RORA: variants seen among roughly 807,000 people sequenced by gnomAD.
RORA encodes RAR related orphan receptor A.
Under a neutral mutation model 69.5 loss-of-function variants are expected in RORA, and 7 were observed. The observed-to-expected ratio is 0.10, with a 90% CI of 0.06 to 0.19. The LOEUF (loss-of-function observed/expected upper bound fraction) is 0.19. Ranked by LOEUF, RORA falls within the 10% of genes least tolerant of loss-of-function variation. RORA has a pLI of 1.00. For synonymous variants in RORA, 261 were observed against 240.8 expected, an observed-to-expected ratio of 1.08 and a Z score of -0.78; for missense variants, 457 against 663.0, an observed-to-expected ratio of 0.69 and a Z score of 3.41.
At chr15:60,571,738 T>C (rs149941362) in intron 2 of RORA, among the ~76,000 whole-genome samples, 12 of 152,296 alleles carry the variant, frequency 7.9e-5, no homozygotes, top group Admixed American at 6.5e-4. Flanking sequence ...GCAGGTCTAA[T>C]AGTCTATAAA....
In RORA at chr15:60,939,099, G is replaced by A. The variant is rs562015402; in HGVS notation, c.167-260413C>T. Among the ~76,000 whole-genome samples the A allele has an allele frequency of 4.6e-5, 7 of 152,206 alleles. 1 individual carries two copies. The highest frequency in any genetic ancestry group is 1.4e-4 in the African/African-American group (6 of 41,522). ...CTTCCTCTCTCAGACCTCTTCCCTCGGCATCGCAGCTCCTGACCTCCACTT... is the reference window on the plus strand; with the variant it reads ...CTTCCTCTCTCAGACCTCTTCCCTCAGCATCGCAGCTCCTGACCTCCACTT... On this transcript the variant is annotated intron_variant, in intron 1 of 10. Coordinates refer to ENST00000335670, the MANE Select transcript of RORA (RefSeq NM_134261.3).
intron 1 of RORA, among the ~76,000 whole-genome samples, chr15:60,899,203 A>C (rs1453084624): frequency 1.3e-5 from 2 of 152,242 alleles, no homozygotes; most frequent in African/African-American, 4.8e-5. Context: ...ATCCTTCTGT[A>C]GTATCTCCCA....
At chr15:60,646,077 G>A (rs1459128490) in intron 2 of RORA, among the ~76,000 whole-genome samples, 3 of 152,152 alleles carry the variant, frequency 2.0e-5, no homozygotes, top group African/African-American at 7.2e-5. Flanking sequence ...CATTGGAAAA[G>A]TACATTGAGG....
chr15:60,850,864 G>A (rs1251852178), intron 1 of RORA, among the ~76,000 whole-genome samples: 3 of 152,174 alleles, frequency 2.0e-5, no homozygotes, highest in African/African-American at 7.2e-5. Flanking sequence ...GAAAGACAAG[G>A]ATAAGGCCAT....
chr15:61,215,031 A>ATTTTTTTTTTTTTTTTTT (rs61132940), intron 1 of RORA, among the ~76,000 whole-genome samples: 1 of 80,626 alleles, frequency 1.2e-5, no homozygotes, highest in Non-Finnish European at 2.3e-5. Flanking sequence ...CGCCCAGCTA[A>ATTTTTTTTTTTTTTTTTT]TTTTTTTTTT....
chr15:60,582,148 G>A (rs1203229120), intron 2 of RORA, among the ~76,000 whole-genome samples: 1 of 151,852 alleles, frequency 6.6e-6, no homozygotes, highest in Non-Finnish European at 1.5e-5. Flanking sequence ...ACTAAATCTG[G>A]GCATATTTAT....
At chr15:60,835,053 C>T (rs2073098346) in intron 1 of RORA, among the ~76,000 whole-genome samples, 1 of 152,144 alleles carries the variant, frequency 6.6e-6, no homozygotes, top group Non-Finnish European at 1.5e-5. Context: ...AGAACGTGGA[C>T]TTGTAATTGT....
intron 1 of RORA, among the ~76,000 whole-genome samples, chr15:61,212,788 C>T (rs919998159): frequency 2.0e-5 from 3 of 152,096 alleles, no homozygotes; most frequent in South Asian, 2.1e-4. Flanking sequence ...CAATCCAAGC[C>T]CTTCAATTTC....
chr15:60,517,924 T>C (rs540822791), intron 3 of RORA, among the ~76,000 whole-genome samples: 1 of 152,336 alleles, frequency 6.6e-6, no homozygotes, highest in East Asian at 1.9e-4. Flanking sequence ...TTCCTAGATA[T>C]CTCTTCTGAC....
rs996167695 is a variant in RORA, at chr15:60,976,256, G to A, written c.166+252797C>T. Among the ~76,000 whole-genome samples, 12 of 152,296 alleles carry A rather than the reference G, an allele frequency of 7.9e-5. No homozygotes were observed. The East Asian group carries it at 2.1e-3, about 27-fold the overall frequency. On this transcript the variant is annotated intron_variant, in intron 1 of 10. Transcript: ENST00000335670. ...TGTGGTGGAGCAAACAGCCCTGCGG[G>A]ACTCAATGCGTGTAACCCTTGGATT...
chr15:61,071,693 G>T (rs2078367732), intron 1 of RORA, among the ~76,000 whole-genome samples: 1 of 137,172 alleles, frequency 7.3e-6, no homozygotes, highest in Non-Finnish European at 1.6e-5. Flanking sequence ...AGAGGGGAGG[G>T]GAAGAGAGGA....
At chr15:60,844,961 G>T (rs1441866543) in intron 1 of RORA, among the ~76,000 whole-genome samples, 1 of 152,136 alleles carries the variant, frequency 6.6e-6, no homozygotes, top group South Asian at 2.1e-4. Flanking sequence ...TCCCTGGTAG[G>T]CATCAGTTGT....
intron 1 of RORA, among the ~76,000 whole-genome samples, chr15:60,754,198 C>T (rs2071764888): frequency 6.6e-6 from 1 of 152,214 alleles, no homozygotes; most frequent in Non-Finnish European, 1.5e-5. Context: ...TATTTGTCTG[C>T]TTTGAAAATC....
chr15:61,038,059 T>A lies in RORA; in HGVS notation c.166+190994A>T, dbSNP rs184222406. Reference sequence around the variant, plus strand: ...TTTGTTGTTTCTGTAACATCGCATTTAAAAAAAAACCAAGTATGAACATTC... The same window carrying A: ...TTTGTTGTTTCTGTAACATCGCATTAAAAAAAAAACCAAGTATGAACATTC... On this transcript the variant is annotated intron_variant, in intron 1 of 10. Transcript: ENST00000335670. 2.1e-3 allele frequency among the ~76,000 whole-genome samples: 317 copies of A among 151,626 alleles called. 2 individuals are homozygous for A. The highest frequency in any genetic ancestry group is 7.1e-3 in the African/African-American group (294 of 41,350).
intron 2 of RORA, among the ~76,000 whole-genome samples, chr15:60,622,361 C>T (rs1357308244): frequency 6.6e-6 from 1 of 152,024 alleles, no homozygotes; most frequent in African/African-American, 2.4e-5. Context: ...ACCTGTAATC[C>T]CAGCACTTTG....
At position 60,495,428 on chromosome 15, in the gene RORA, G is replaced by A. The variant is rs1330421100; in HGVS notation, c.*2027C>T. 6.6e-6 allele frequency: 1 copy of A among 152,186 alleles called. No homozygotes were observed. Among genetic ancestry groups the A allele is most frequent in the African/African-American group, 2.4e-5 (1 of 41,440 alleles). 9.4% of individuals were successfully genotyped at this position (152,186 alleles called of 1,614,324 possible). A position where few individuals can be genotyped will look rare whatever the true frequency, so the allele number is the denominator to read the frequency against. ...CTCTTACTATGTTTTTGGAAAAAAA[G>A]TTGGATGTTATTTAGGCTTCATACA... On this transcript the variant is annotated 3_prime_UTR_variant, in exon 11 of 11. Transcript: ENST00000335670.
At chr15:61,105,517 A>G (rs548389607) in intron 1 of RORA, among the ~76,000 whole-genome samples, 12 of 152,330 alleles carry the variant, frequency 7.9e-5, no homozygotes, top group African/African-American at 2.4e-4. Flanking sequence ...ATTATTTATT[A>G]TTAATCCCCT....
chr15:60,759,760 C>T (rs1314118388), intron 1 of RORA, among the ~76,000 whole-genome samples: 1 of 152,160 alleles, frequency 6.6e-6, no homozygotes, highest in Non-Finnish European at 1.5e-5. Flanking sequence ...ATTTTCCCTT[C>T]TACCTACTCT....
chr15:60,562,468 C>T (rs1471648316), intron 2 of RORA, among the ~76,000 whole-genome samples: 1 of 149,220 alleles, frequency 6.7e-6, no homozygotes, highest in African/African-American at 2.5e-5. Flanking sequence ...CAGAGTCTTG[C>T]TCTGTCGCCC....
Sources: gnomAD v4.1 joint callset for allele counts (sites outside exome capture counted in the v4.1 genomes callset) on GRCh38, gnomAD v4.1.1 for gene constraint, MANE v1.5 for transcripts, NCBI Gene and HGNC (gene_info 2026-07-23, HGNC 2026-07-21) for gene names.